Variants in ADAMTS3 observed in about 807,000 individuals in gnomAD.
The protein encoded by ADAMTS3 is A disintegrin and metalloproteinase with thrombospondin motifs 3.
In ADAMTS3, 73 loss-of-function variants were observed where a neutral mutation model predicts 129.0. The observed-to-expected ratio is 0.57, with a 90% CI of 0.47 to 0.69. The LOEUF (loss-of-function observed/expected upper bound fraction) is 0.69, where lower values mean the gene tolerates loss of function less well. Ranked by LOEUF, ADAMTS3 falls within the 30% of genes least tolerant of loss-of-function variation. ADAMTS3 has a pLI of 0.00. For missense variants in ADAMTS3, 1,457 were observed against 1,514.5 expected (o/e 0.96, Z 0.63); for synonymous variants, 477 against 510.8 (o/e 0.93, Z 0.89).
At position 72,400,125 on chromosome 4, in the gene ADAMTS3, C is replaced by T. The variant is rs563934582; in HGVS notation, c.661+14690G>A. Among the ~76,000 whole-genome samples, 38 of 90,226 alleles carry T rather than the reference C, an allele frequency of 4.2e-4. 1 individual carries two copies. The highest frequency in any genetic ancestry group is 1.3e-3 in the African/African-American group (29 of 21,618). The allele number at this position is 90,226 out of a possible 152,430, so 59.2% of individuals were successfully genotyped here. ...TATATGCACACATGGTGTGTATATACGTGTGTATATATGCACACATGGTGT... is the reference window on the plus strand; with the variant it reads ...TATATGCACACATGGTGTGTATATATGTGTGTATATATGCACACATGGTGT... On this transcript the variant is annotated intron_variant, in intron 4 of 21. Transcript: ENST00000286657.
intron 2 of ADAMTS3, among the ~76,000 whole-genome samples, chr4:72,558,233 C>A (rs1721815268): frequency 6.6e-6 from 1 of 151,788 alleles, no homozygotes; most frequent in Non-Finnish European, 1.5e-5. Context: ...GTAGGAGAAA[C>A]TGGGACAGTC....
Position 72,462,813 on chromosome 4 carries a change from TA to T in ADAMTS3, c.505-47843del, listed in dbSNP as rs368671505. On this transcript the variant is annotated intron_variant, in intron 3 of 21. Transcript: ENST00000286657. ...TTGGGTTATTATAAGAGTTTAAAAG[TA>T]AAAAAAAAATCGTAAACATTTATAA... 6.2e-3 allele frequency among the ~76,000 whole-genome samples: 928 copies of T among 149,748 alleles called. 14 individuals are homozygous for T. Among genetic ancestry groups the T allele is most frequent in the African/African-American group, 0.021 (869 of 40,964 alleles).
intron 3 of ADAMTS3, among the ~76,000 whole-genome samples, chr4:72,483,963 A>G (rs1359986259): frequency 6.6e-6 from 1 of 152,154 alleles, no homozygotes; most frequent in Non-Finnish European, 1.5e-5. Context: ...ACTTGCGGTG[A>G]GCCAAGATGG....
chr4:72,353,434 G>A (rs1720494904), intron 4 of ADAMTS3, among the ~76,000 whole-genome samples: 1 of 151,974 alleles, frequency 6.6e-6, no homozygotes, highest in Admixed American at 6.6e-5. Context: ...TTCTGTAGCA[G>A]GGTCCTATGT....
chr4:72,518,655 G>A (rs1178061188), intron 3 of ADAMTS3, among the ~76,000 whole-genome samples: 1 of 152,082 alleles, frequency 6.6e-6, no homozygotes. Flanking sequence ...GACTAGGATT[G>A]CAACCCCTGC....
At position 72,342,723 on chromosome 4, in the gene ADAMTS3, T is replaced by C. The variant is rs564841901; in HGVS notation, c.662-3030A>G. ...TATTGTGGAATCTAAGATTGATCTT[T>C]TGAGATATTTTTTAGCCTGTGCATT... On this transcript the variant is annotated intron_variant, in intron 4 of 21. Coordinates refer to ENST00000286657, the MANE Select transcript of ADAMTS3 (RefSeq NM_014243.3). Among the ~76,000 whole-genome samples, 9 of 152,212 alleles carry C rather than the reference T, an allele frequency of 5.9e-5. No individual in the cohort carries two copies. In the South Asian group the frequency reaches 1.9e-3, roughly 32 times the overall value.
intron 3 of ADAMTS3, among the ~76,000 whole-genome samples, chr4:72,492,714 A>G (rs993124577): frequency 6.6e-6 from 1 of 151,704 alleles, no homozygotes; most frequent in African/African-American, 2.4e-5. Context: ...ATCAGATAGG[A>G]CCCTTTAGCT....
intron 2 of ADAMTS3, among the ~76,000 whole-genome samples, chr4:72,566,627 T>C (rs944138505): frequency 6.6e-6 from 1 of 152,216 alleles, no homozygotes; most frequent in African/African-American, 2.4e-5. Context: ...AAAATGTGTA[T>C]GAAAAGACTT....
rs546080982 is a variant in ADAMTS3 at position 72,352,463 on chromosome 4, T to C, written c.662-12770A>G. Among the ~76,000 whole-genome samples, 16 of 152,148 alleles carry C rather than the reference T, an allele frequency of 1.1e-4. No individual in the cohort carries two copies. The South Asian group carries it at 1.2e-3, about 12-fold the overall frequency. On this transcript the variant is annotated intron_variant, in intron 4 of 21. Transcript: ENST00000286657. ...TTATTACCTCCTTCCTGGAAGGACA[T>C]CCCCTCACCTTTCTTTCCTCTCTCT...
chr4:72,468,493 T>C (rs1231704542), intron 3 of ADAMTS3, among the ~76,000 whole-genome samples: 2 of 152,078 alleles, frequency 1.3e-5, no homozygotes, highest in South Asian at 2.1e-4. Context: ...ATTACCCACA[T>C]GGTAATTACA....
intron 4 of ADAMTS3, among the ~76,000 whole-genome samples, chr4:72,382,132 G>A (rs188826959): frequency 5.3e-5 from 8 of 152,188 alleles, no homozygotes; most frequent in African/African-American, 1.7e-4. Context: ...AACTTGTCAC[G>A]TAAGGACCCA....
chr4:72,359,062 C>T (rs997356757), intron 4 of ADAMTS3, among the ~76,000 whole-genome samples: 3 of 151,880 alleles, frequency 2.0e-5, no homozygotes, highest in Admixed American at 1.3e-4. Context: ...GAGGAATAAA[C>T]GATCTGCAAT....
At chr4:72,440,350 G>T (rs942032957) in intron 3 of ADAMTS3, among the ~76,000 whole-genome samples, 3 of 151,788 alleles carry the variant, frequency 2.0e-5, no homozygotes, top group Admixed American at 2.0e-4. Context: ...ATCCACACAT[G>T]AATATCCCTG....
intron 4 of ADAMTS3, among the ~76,000 whole-genome samples, chr4:72,381,687 T>C (rs962108160): frequency 4.0e-5 from 6 of 151,896 alleles, no homozygotes; most frequent in South Asian, 2.1e-4. Context: ...AAAAGTGTTA[T>C]AGCCCCATTC....
chr4:72,344,066 C>T (rs1246730455), intron 4 of ADAMTS3, among the ~76,000 whole-genome samples: 1 of 152,042 alleles, frequency 6.6e-6, no homozygotes, highest in Non-Finnish European at 1.5e-5. Context: ...ACTATAAGGC[C>T]TATTTTATCA....
intron 5 of ADAMTS3, among the ~76,000 whole-genome samples, chr4:72,335,637 GTAAA>G (rs1348819525): frequency 6.6e-6 from 1 of 151,888 alleles, no homozygotes; most frequent in Non-Finnish European, 1.5e-5. Context: ...TTTATGAACT[GTAAA>G]TAATTTTTTA....
At chr4:72,535,803 C>G (rs1721172613) in intron 3 of ADAMTS3, among the ~76,000 whole-genome samples, 1 of 151,984 alleles carries the variant, frequency 6.6e-6, no homozygotes, top group South Asian at 2.1e-4. Context: ...AAAAAAAAGA[C>G]AGCAAAAGAA....
At position 72,306,050 on chromosome 4, in the gene ADAMTS3, C is replaced by G. The variant is rs748908302; in HGVS notation, c.2197G>C (p.Asp733His). The change falls in exon 16 of 22, where the codon GAT (aspartate) becomes CAT (histidine). Residue 733 changes from aspartate to histidine, a missense_variant. Asp to His is a moderately conservative substitution (Grantham distance 81, BLOSUM62 -1). Transcript: ENST00000286657. ...ACATGTCTAGCCCCAGGGGGTATAT[C>G]AAACATCTTAAGGTACCCTTTGCAT... ...PRKLGYLKMF[D>H]IPPGARHVLI... is the part of the protein sequence containing the mutation. The G allele has an allele frequency of 1.2e-6, 2 of 1,606,414 alleles. No homozygotes were observed. The highest frequency in any genetic ancestry group is 1.7e-6 in the Non-Finnish European group (2 of 1,176,854).
At chr4:72,446,580 G>A (rs771467043) in intron 3 of ADAMTS3, among the ~76,000 whole-genome samples, 7 of 151,716 alleles carry the variant, frequency 4.6e-5, no homozygotes, top group Non-Finnish European at 7.4e-5. Flanking sequence ...AACGGAGGAT[G>A]TTTAACCTAC....
Sources: gnomAD v4.1 joint callset for allele counts (sites outside exome capture counted in the v4.1 genomes callset) on GRCh38, gnomAD v4.1.1 for gene constraint, MANE v1.5 for transcripts, NCBI Gene and HGNC (gene_info 2026-07-23, HGNC 2026-07-21) for gene names.